ZC3H4: variants seen among roughly 807,000 people sequenced by gnomAD.
ZC3H4 encodes zinc finger CCCH-type containing 4.
In ZC3H4, 13 loss-of-function variants were observed where a neutral mutation model predicts 108.3. The observed-to-expected ratio is 0.12, with a 90% CI of 0.08 to 0.19. The LOEUF is 0.19. ZC3H4 is among the 10% of genes least tolerant of loss of function. The probability of loss-of-function intolerance (pLI) is 1.00; values close to 1 mark genes in which losing one functional copy is unlikely to be tolerated. For synonymous variants in ZC3H4, 917 were observed against 749.6 expected (o/e 1.22, Z -3.65); for missense variants, 1,734 against 1,838.8 (o/e 0.94, Z 1.04).
intron 11 of ZC3H4, among the ~76,000 whole-genome samples, chr19:47,080,270 C>T (rs886667388): frequency 3.9e-5 from 6 of 152,212 alleles, no homozygotes; most frequent in African/African-American, 1.4e-4. Context: ...ACCCAAGGTC[C>T]TCAGCCTGAC....
At position 47,066,317 on chromosome 19, in the gene ZC3H4, C is replaced by G; in HGVS notation, c.*39G>C. On this transcript the variant is annotated 3_prime_UTR_variant, in exon 15 of 15. Transcript: ENST00000253048. ...CCCTGGGTGCTGCCCTGAATGCCAC[C>G]CTAGGAAGGGTGGCTGGAGCCGCAG... is the stretch of plus-strand genomic sequence containing the variant. 6.8e-7 allele frequency: 1 copy of G among 1,467,848 alleles called. No individual in the cohort carries two copies. The highest frequency in any genetic ancestry group is 9.0e-7 in the Non-Finnish European group (1 of 1,107,028). 90.9% of individuals were successfully genotyped at this position (1,467,848 alleles called of 1,614,324 possible).
rs747385884 is a variant in ZC3H4 at position 47,066,514 on chromosome 19, C to G, written c.3754G>C (p.Val1252Leu). ...PPQPGVHNLP[V>L]PTLFGTVKQT... ...TTCACCGTCCCGAAGAGGGTGGGCA[C>G]GGGCAGGTTGTGCACCCCGGGCTGG... Residue 1252 changes from valine to leucine, a missense_variant, in exon 15 of 15, where the codon GTG becomes CTG. This residue lies in a region of ZC3H4 where 518 missense variants were observed against 499.6 expected (regional missense o/e 1.04). Transcript: ENST00000253048. 6.4e-7 allele frequency: 1 copy of G among 1,551,600 alleles called. No homozygotes were observed. Among genetic ancestry groups the G allele is most frequent in the Admixed American group, 1.8e-5 (1 of 55,976 alleles).
Position 47,066,996 on chromosome 19 carries a change from G to C in ZC3H4, c.3272C>G (p.Ser1091Cys). 6.3e-7 allele frequency: 1 copy of C among 1,587,354 alleles called. No homozygotes were observed. ...AGGGCCGGGCTTGGCAGCCCGGGAG[G>C]AGGCCGTAGAGTCTGTGGGTTTCTG... Reference protein sequence around the residue: ...RLQKPTDSTASSRAAKPGPAE... With the variant: ...RLQKPTDSTACSRAAKPGPAE... Residue 1091 changes from serine to cysteine, a missense_variant, in exon 15 of 15, where the codon TCC becomes TGC. This residue lies in a region of ZC3H4 where 518 missense variants were observed against 499.6 expected (regional missense o/e 1.04). Coordinates refer to ENST00000253048, the MANE Select transcript of ZC3H4 (RefSeq NM_015168.2).
intron 4 of ZC3H4, among the ~76,000 whole-genome samples, chr19:47,093,215 CAAA>C (rs918382221): frequency 1.7e-4 from 8 of 48,422 alleles, no homozygotes; most frequent in Admixed American, 4.4e-4. Context: ...GACTCTGCCT[CAAA>C]AAAAAAAAAA....
At chr19:47,082,961 C>A (rs1337678294) in intron 9 of ZC3H4, among the ~76,000 whole-genome samples, 1 of 152,214 alleles carries the variant, frequency 6.6e-6, no homozygotes, top group Non-Finnish European at 1.5e-5. Context: ...ATCATTCAGT[C>A]CTCAGGAATC....
In ZC3H4 at chr19:47,079,977, A is replaced by G. The variant is rs528020267; in HGVS notation, c.1440+1536T>C. Among the ~76,000 whole-genome samples the G allele has an allele frequency of 3.3e-5, 5 of 152,244 alleles. 1 individual carries two copies. The highest frequency in any genetic ancestry group is 1.2e-4 in the African/African-American group (5 of 41,536). ...CAGGCGCCCTGCCAACGAGGAATGG[A>G]CATTCTCCTACGTCTGCTTGCATGG... On this transcript the variant is annotated intron_variant, in intron 11 of 14. Transcript: ENST00000253048.
Position 47,067,956 on chromosome 19 carries a change from G to T in ZC3H4, c.2399-87C>A. On this transcript the variant is annotated intron_variant, in intron 14 of 14. Coordinates refer to ENST00000253048, the MANE Select transcript of ZC3H4 (RefSeq NM_015168.2). The surrounding 1 kb of genome is among the most constrained non-coding windows in gnomAD (Gnocchi z 6.4). ...ATCCCACAGCAGCCCACCGTGAGCA[G>T]CTCCTTTGCTTGTGCCTCTCAGAAC... 1.5e-6 allele frequency: 2 copies of T among 1,311,692 alleles called. No homozygotes were observed. The highest frequency in any genetic ancestry group is 2.1e-6 in the Non-Finnish European group (2 of 950,554). 81.3% of individuals were successfully genotyped at this position (1,311,692 alleles called of 1,614,324 possible).
At position 47,069,315 on chromosome 19, in the gene ZC3H4, T is replaced by G; in HGVS notation, c.2175A>C (p.Pro725=). 1 of 1,613,534 alleles carries G rather than the reference T, an allele frequency of 6.2e-7. No homozygotes were observed. The highest frequency in any genetic ancestry group is 8.5e-7 in the Non-Finnish European group (1 of 1,179,768). The change falls in exon 14 of 15, where the codon CCA becomes CCC. Residue 725 remains proline, a synonymous_variant. Coordinates refer to ENST00000253048, the MANE Select transcript of ZC3H4 (RefSeq NM_015168.2). ...GGAAGAGGTGCTCCCCAGGCTCCCC[T>G]GGCAGCTCTTCGTAGTGCCCGTAGT... ...AEDYGHYEEL[P]GEPGEHLFPE...
At chr19:47,112,209 C>G (rs1316056581) in intron 2 of ZC3H4, 8 of 1,201,282 alleles carry the variant, frequency 6.7e-6, no homozygotes, top group Non-Finnish European at 8.3e-6. Flanking sequence ...GGGCGAGCGC[C>G]GCGAGGGGGG....
At position 47,086,450 on chromosome 19, in the gene ZC3H4, C is replaced by G. The variant is rs761203881; in HGVS notation, c.804G>C (p.Arg268Ser). Residue 268 changes from arginine to serine, a missense_variant, in exon 6 of 15, where the codon AGG becomes AGC. By Grantham distance (110) the Arg-to-Ser change is moderately radical. Transcript: ENST00000253048. Reference sequence around the variant, plus strand: ...GGTCTCCTCCCATAGAGCCTCTGCCCCTGCCTCGGCTGCCCCTGCCCATGC... The same window carrying G: ...GGTCTCCTCCCATAGAGCCTCTGCCGCTGCCTCGGCTGCCCCTGCCCATGC... ...GRGMGRGSRG[R>S]GRGSMGGDHP... 1 of 1,612,760 alleles carries G rather than the reference C, an allele frequency of 6.2e-7. No individual in the cohort carries two copies. The highest frequency in any genetic ancestry group is 8.5e-7 in the Non-Finnish European group (1 of 1,179,774).
At position 47,072,711 on chromosome 19, in the gene ZC3H4, C is replaced by T. The variant is rs758104318; in HGVS notation, c.1443G>A (p.Met481Ile). The T allele has an allele frequency of 9.3e-6, 15 of 1,613,482 alleles. No individual in the cohort carries two copies. The African/African-American group carries it at 1.6e-4, about 17-fold the overall frequency. ...CACCTGCTTCTGCATCATCGGCCAA[C>T]ATCTGCGGGTGTGAAAGAACAAAAG... Reference protein sequence around the residue: ...TEETRELLDKMLADDAEAGAE... With the variant: ...TEETRELLDKILADDAEAGAE... The change falls in exon 12 of 15, where the codon ATG (methionine) becomes ATA (isoleucine). Residue 481 changes from methionine (M) to isoleucine (I), a missense_variant and splice_region_variant. Around this residue, in one of 9 missense-constraint regions of ZC3H4, gnomAD observed 66 missense variants for 166.8 expected, o/e 0.40. Transcript: ENST00000253048. This position sits in a 1 kb window ranked among gnomAD's most constrained non-coding sequence, Gnocchi z 5.6.
intron 5 of ZC3H4, among the ~76,000 whole-genome samples, chr19:47,088,557 G>A (rs7257381): frequency 0.55 from 82,996 of 150,578 alleles, 25,157 homozygotes; most frequent in Non-Finnish European, 0.71. Context: ...AAAAAAAAAA[G>A]AAAGAATTGC....
intron 13 of ZC3H4, among the ~76,000 whole-genome samples, chr19:47,070,396 C>T (rs990421487): frequency 1.1e-4 from 16 of 152,282 alleles, no homozygotes; most frequent in African/African-American, 3.9e-4. Context: ...GCCGAGGGTC[C>T]CCCTTCACAC....
chr19:47,076,483 CAG>C (rs913675692), intron 11 of ZC3H4, among the ~76,000 whole-genome samples: 1 of 152,180 alleles, frequency 6.6e-6, no homozygotes, highest in Non-Finnish European at 1.5e-5. Context: ...AAGGACACAG[CAG>C]AGTTTCTGGG....
rs554164327 is a variant in ZC3H4, at chr19:47,085,322, G to T, written c.963C>A (p.Gly321=). 6.3e-7 allele frequency: 1 copy of T among 1,598,130 alleles called. No individual in the cohort carries two copies. Among genetic ancestry groups the T allele is most frequent in the South Asian group, 1.1e-5 (1 of 88,802 alleles). Residue 321 remains glycine, a synonymous_variant, in exon 7 of 15, where the codon GGC becomes GGA. Coordinates refer to ENST00000253048, the MANE Select transcript of ZC3H4 (RefSeq NM_015168.2). The part of the protein sequence containing the change: ...NQYRRSKDSR[G]RGLSRGRGRG... ...CCTCTCCAGGCCCCTGCCCACCTCG[G>T]CCTCGGCTGTCCTTGGAGCGGCGGT... is the stretch of plus-strand genomic sequence containing the variant.
chr19:47,070,036 C>T (rs937728038), intron 13 of ZC3H4, among the ~76,000 whole-genome samples: 5 of 152,090 alleles, frequency 3.3e-5, no homozygotes, highest in African/African-American at 4.8e-5. Context: ...GACGTGGGGA[C>T]GCAGCAGGCG....
chr19:47,074,160 C>T (rs1466419895), intron 11 of ZC3H4, among the ~76,000 whole-genome samples: 3 of 152,194 alleles, frequency 2.0e-5, no homozygotes, highest in Non-Finnish European at 4.4e-5. Flanking sequence ...TCCTGTTATT[C>T]CCATGTGGCT....
At chr19:47,089,184 G>A (rs187872624) in intron 5 of ZC3H4, among the ~76,000 whole-genome samples, 1,790 of 120,692 alleles carry the variant, frequency 0.015, 19 homozygotes, top group Non-Finnish European at 0.019. Context: ...CCAGCCTGGC[G>A]ACAGAGCAAG....
intron 11 of ZC3H4, among the ~76,000 whole-genome samples, chr19:47,078,899 C>T (rs181685769): frequency 0.011 from 1,612 of 151,772 alleles, 15 homozygotes; most frequent in Non-Finnish European, 0.015. Flanking sequence ...TGGTGGTGGG[C>T]GCCTGTAATC....
Sources: allele counts gnomAD v4.1 joint callset (sites outside exome capture counted in the v4.1 genomes callset), GRCh38; gene constraint gnomAD v4.1.1; regional missense constraint gnomAD v4.1.1; non-coding constraint Gnocchi (gnomAD v3.1); transcripts MANE v1.5; gene names NCBI Gene and HGNC (gene_info 2026-07-23, HGNC 2026-07-21).